CNTN4: variants seen among roughly 807,000 people sequenced by gnomAD.
The protein encoded by CNTN4 is contactin-4.
A neutral mutation model predicts 122.5 loss-of-function variants in CNTN4; 77 were observed. The ratio of observed to expected loss-of-function variants is 0.63; its 90% confidence interval spans 0.52 to 0.76. The LOEUF (loss-of-function observed/expected upper bound fraction) is 0.76. Among genes scored for constraint, CNTN4 ranks in the 30% least tolerant of loss-of-function variants. The pLI, the probability that CNTN4 is intolerant of heterozygous loss-of-function variation, is 0.00. For synonymous variants in CNTN4, 512 were observed against 447.0 expected, an observed-to-expected ratio of 1.15 and a Z score of -1.83; for missense variants, 1,256 against 1,259.1, an observed-to-expected ratio of 1.00 and a Z score of 0.04.
chr3:3,028,165 A>G (rs1698885342), intron 15 of CNTN4, among the ~76,000 whole-genome samples: 1 of 152,176 alleles, frequency 6.6e-6, no homozygotes, highest in African/African-American at 2.4e-5. Flanking sequence ...GTATAGAGTT[A>G]ACCTATTGAG....
intron 2 of CNTN4, among the ~76,000 whole-genome samples, chr3:2,112,701 T>C (rs2033057134): frequency 6.6e-6 from 1 of 152,216 alleles, no homozygotes; most frequent in African/African-American, 2.4e-5. Context: ...TTTTAATTAC[T>C]TTTATATGTT....
At chr3:2,564,072 A>G (rs2079059689) in intron 3 of CNTN4, among the ~76,000 whole-genome samples, 1 of 152,198 alleles carries the variant, frequency 6.6e-6, no homozygotes, top group Non-Finnish European at 1.5e-5. Flanking sequence ...GTTGAATATC[A>G]TCATTCATAA....
At chr3:2,646,187 T>A (rs1441769958) in intron 4 of CNTN4, among the ~76,000 whole-genome samples, 3 of 152,182 alleles carry the variant, frequency 2.0e-5, no homozygotes, top group African/African-American at 7.2e-5. Context: ...TATCTACTAG[T>A]GTGGATCCAA....
intron 2 of CNTN4, among the ~76,000 whole-genome samples, chr3:2,333,590 T>A (rs1342021530): frequency 6.6e-6 from 1 of 152,238 alleles, no homozygotes; most frequent in African/African-American, 2.4e-5. Flanking sequence ...ATCTTGTATT[T>A]TGTTTACTTT....
chr3:2,176,645 G>C (rs904688571), intron 2 of CNTN4, among the ~76,000 whole-genome samples: 1 of 152,102 alleles, frequency 6.6e-6, no homozygotes, highest in Admixed American at 6.6e-5. Flanking sequence ...TTAAGAAAAA[G>C]TGTCAACAGA....
chr3:2,351,257 T>A (rs1390627749), intron 3 of CNTN4, among the ~76,000 whole-genome samples: 1 of 152,100 alleles, frequency 6.6e-6, no homozygotes, highest in African/African-American at 2.4e-5. Flanking sequence ...TAGAACACCA[T>A]AAGTAAAATG....
At chr3:2,412,135 A>G (rs989567291) in intron 3 of CNTN4, among the ~76,000 whole-genome samples, 1 of 152,100 alleles carries the variant, frequency 6.6e-6, no homozygotes, top group African/African-American at 2.4e-5. Context: ...ATTCTTTTGT[A>G]TTCCATGTAT....
intron 4 of CNTN4, among the ~76,000 whole-genome samples, chr3:2,727,842 T>C (rs2088346174): frequency 1.3e-5 from 2 of 152,232 alleles, no homozygotes; most frequent in Admixed American, 1.3e-4. Context: ...TAGACTTCTC[T>C]GTTTCTTGCT....
intron 6 of CNTN4, among the ~76,000 whole-genome samples, chr3:2,798,087 T>A: frequency 6.8e-6 from 1 of 147,240 alleles, no homozygotes; most frequent in East Asian, 2.0e-4. Context: ...TCCCACTCTT[T>A]CAACTCTCCA....
intron 3 of CNTN4, among the ~76,000 whole-genome samples, chr3:2,339,526 AG>A (rs2044099659): frequency 1.3e-5 from 2 of 152,198 alleles, no homozygotes; most frequent in African/African-American, 4.8e-5. Context: ...AATCATAGAA[AG>A]TGTATATTGG....
At chr3:2,527,011 A>T (rs945255918) in intron 3 of CNTN4, among the ~76,000 whole-genome samples, 3 of 152,158 alleles carry the variant, frequency 2.0e-5, no homozygotes, top group Non-Finnish European at 4.4e-5. Flanking sequence ...GACTTTGGAT[A>T]CTTTCTCAGA....
chr3:3,020,277 AG>A (rs1440110591), intron 14 of CNTN4, among the ~76,000 whole-genome samples: 1 of 152,232 alleles, frequency 6.6e-6, no homozygotes, highest in Non-Finnish European at 1.5e-5. Context: ...ACTAGGCACC[AG>A]GGACTTATAA....
At chr3:2,652,512 C>T (rs980030562) in intron 4 of CNTN4, among the ~76,000 whole-genome samples, 1 of 152,144 alleles carries the variant, frequency 6.6e-6, no homozygotes, top group African/African-American at 2.4e-5. Context: ...GGCATTGAAA[C>T]TGAATCCAAA....
chr3:2,538,698 C>A (rs551839736), intron 3 of CNTN4, among the ~76,000 whole-genome samples: 2 of 151,840 alleles, frequency 1.3e-5, no homozygotes, highest in South Asian at 4.2e-4. Flanking sequence ...TTATAAAGTT[C>A]TTAAATTGGC....
At chr3:2,829,266 C>T (rs895680729) in intron 7 of CNTN4, among the ~76,000 whole-genome samples, 1 of 152,164 alleles carries the variant, frequency 6.6e-6, no homozygotes, top group Non-Finnish European at 1.5e-5. Context: ...CATTAAGCCT[C>T]CTGTTTCACC....
chr3:2,923,175 G>A (rs893385002), intron 12 of CNTN4, among the ~76,000 whole-genome samples: 10 of 152,106 alleles, frequency 6.6e-5, no homozygotes, highest in South Asian at 4.1e-4. Context: ...AATTTCTCCT[G>A]AATGGATGAA....
At chr3:2,631,727 C>T (rs546889917) in intron 4 of CNTN4, among the ~76,000 whole-genome samples, 137 of 151,310 alleles carry the variant, frequency 9.1e-4, no homozygotes, top group Non-Finnish European at 1.7e-3. Flanking sequence ...AAAGTTTATG[C>T]AGTATTAAAA....
At chr3:2,901,758 C>T (rs1009209827) in intron 11 of CNTN4, among the ~76,000 whole-genome samples, 1 of 152,152 alleles carries the variant, frequency 6.6e-6, no homozygotes, top group Non-Finnish European at 1.5e-5. Context: ...GTCTCAAATC[C>T]ATCTCTCCAA....
intron 2 of CNTN4, among the ~76,000 whole-genome samples, chr3:2,338,730 G>A (rs1316642589): frequency 2.0e-5 from 3 of 152,094 alleles, no homozygotes; most frequent in Non-Finnish European, 4.4e-5. Flanking sequence ...TATGTGAAGA[G>A]TGTTTGTTTT....
Sources: allele counts gnomAD v4.1 joint callset (sites outside exome capture counted in the v4.1 genomes callset), GRCh38; gene constraint gnomAD v4.1.1; transcripts MANE v1.5; gene names NCBI Gene and HGNC (gene_info 2026-07-23, HGNC 2026-07-21).